WDR90: variants seen among roughly 807,000 people sequenced by gnomAD.
WDR90 encodes WD repeat-containing protein 90.
WDR90 carries 238 observed loss-of-function variants against 195.2 expected under a neutral mutation model. That is an observed-to-expected ratio of 1.22 (90% CI 1.10 to 1.36). The LOEUF (loss-of-function observed/expected upper bound fraction) is 1.36. WDR90 is among the 40% of genes most tolerant of loss of function. The pLI is 0.00. For synonymous variants in WDR90, 1,265 were observed against 1,052.4 expected (o/e 1.20, Z -3.91); for missense variants, 2,734 against 2,439.5 (o/e 1.12, Z -2.54).
intron 13 of WDR90, 153 bp from the exon 14 acceptor site, chr16:654,876 G>C (rs1466018145): frequency 1.5e-6 from 1 of 650,830 alleles, no homozygotes; most frequent in Non-Finnish European, 2.7e-6. Flanking sequence ...AGATGGAGGG[G>C]CTGGTTTCCT....
chr16:651,318 G>A (rs2037643178), intron 7 of WDR90, 52 bp downstream of exon 7: 12 of 1,591,036 alleles, frequency 7.5e-6, no homozygotes, highest in Non-Finnish European at 1.0e-5. Flanking sequence ...AGGGTGCGTG[G>A]GGCTCGGTAG....
At chr16:658,060 G>T in intron 21 of WDR90, 123 bp from the exon 22 acceptor site, 1 of 1,468,346 alleles carries the variant, frequency 6.8e-7, no homozygotes, top group East Asian at 2.5e-5. Context: ...AGGTTCCTGT[G>T]CAGGGCAGGT....
chr16:660,034 C>G (rs1474411296), intron 26 of WDR90, 24 bp from the exon 27 acceptor site: 2 of 1,519,184 alleles, frequency 1.3e-6, no homozygotes, highest in Non-Finnish European at 1.8e-6. Context: ...TGTAATGCCA[C>G]AAGCTCTGCC....
chr16:662,811 C>G lies in WDR90; in HGVS notation c.4278C>G (p.Thr1426=), dbSNP rs540807140. The change falls in exon 34 of 41, where the codon ACC becomes ACG. Residue 1426 remains threonine (T), a synonymous_variant. Transcript: ENST00000293879. Reference sequence around the variant, plus strand: ...GGTTTGTCAGCTGGGCCGAGGGCACCAGCACACGTCTCATCAGTGGCCACA... The same window carrying G: ...GGTTTGTCAGCTGGGCCGAGGGCACGAGCACACGTCTCATCAGTGGCCACA... ...TLWFVSWAEG[T]STRLISGHRS... is the part of the protein sequence containing the mutation. 1 of 1,589,918 alleles carries G rather than the reference C, an allele frequency of 6.3e-7. No individual in the cohort carries two copies. Among genetic ancestry groups the G allele is most frequent in the South Asian group, 1.1e-5 (1 of 89,184 alleles).
At position 666,782 on chromosome 16, in the gene WDR90, GC is replaced by G. The variant is rs777089594; in HGVS notation, c.4996del (p.Gln1666ArgfsTer17). On this transcript the variant is annotated frameshift_variant, in exon 39 of 41. Coordinates refer to ENST00000293879, the MANE Select transcript of WDR90 (RefSeq NM_145294.5). LOFTEE classifies it high-confidence loss of function. ...VYKEVIIYNL[C>X]QKQVVEKIPL... ...AAGGAGGTGATCATCTACAACCTCT[GC>G]CAGAAGCAGGTACACGCAGCTGCCC... The G allele has an allele frequency of 1.2e-6, 2 of 1,612,854 alleles. No individual in the cohort carries two copies. Among genetic ancestry groups the G allele is most frequent in the Non-Finnish European group, 1.7e-6 (2 of 1,179,948 alleles).
At chr16:654,712 A>C in intron 13 of WDR90, 1 of 367,520 alleles carries the variant, frequency 2.7e-6, no homozygotes, top group Non-Finnish European at 5.0e-6. Context: ...AGCCTCCCAA[A>C]GTGCTGGGAT....
chr16:650,752 G>A (rs753255161), intron 5 of WDR90, 43 bp downstream of exon 5: 11 of 1,590,666 alleles, frequency 6.9e-6, no homozygotes, highest in Non-Finnish European at 9.5e-6. Flanking sequence ...TCTCACCCAT[G>A]CTCTCAGCCC....
rs774234201 is a variant in WDR90 at position 655,661 on chromosome 16, A to G, written c.1807A>G (p.Thr603Ala). ...TGCCCGCCGCCTGCTCCCCACACGG[A>G]CTCCAGGCGGTCCCCACCCACAGAA... Reference protein sequence around the residue: ...RHARRLLPTRTPGGPHPQKQT... With the variant: ...RHARRLLPTRAPGGPHPQKQT... Residue 603 changes from threonine to alanine, a missense_variant, in exon 16 of 41, where the codon ACT becomes GCT. Physicochemically the swap from Thr to Ala is moderately conservative, Grantham distance 58 (BLOSUM62 0). Transcript: ENST00000293879. 6.2e-7 allele frequency: 1 copy of G among 1,603,396 alleles called. No homozygotes were observed. Among genetic ancestry groups the G allele is most frequent in the Non-Finnish European group, 8.5e-7 (1 of 1,175,120 alleles).
chr16:649,807 G>A lies in WDR90; in HGVS notation c.55G>A (p.Asp19Asn), dbSNP rs1485753858. ...FLNVFRHFRV[D>N]EWKRSAKQGD... is the part of the protein sequence containing the mutation. ...CAACGTCTTCAGACACTTCCGGGTGGACGAGTGGAAGCGCTCCGCCAAGCA... is the reference window on the plus strand; with the variant it reads ...CAACGTCTTCAGACACTTCCGGGTGAACGAGTGGAAGCGCTCCGCCAAGCA... Residue 19 changes from aspartate to asparagine, a missense_variant, in exon 2 of 41, where the codon GAC becomes AAC. Asp to Asn is a conservative substitution (Grantham distance 23). Coordinates refer to ENST00000293879, the MANE Select transcript of WDR90 (RefSeq NM_145294.5). 3.2e-6 allele frequency: 5 copies of A among 1,580,724 alleles called. No homozygotes were observed. The highest frequency in any genetic ancestry group is 3.6e-5 in the Admixed American group (2 of 55,090).
rs141591899 is a variant in WDR90, at chr16:658,912, C to T, written c.2912C>T (p.Ser971Leu). 1.5e-4 allele frequency: 244 copies of T among 1,612,248 alleles called. No homozygotes were observed. Among genetic ancestry groups the T allele is most frequent in the Non-Finnish European group, 1.9e-4 (227 of 1,179,970 alleles). ...TACCCCTAGGTGTACATCGGCCACT[C>T]GGAACCCGTGCAGGCTGTGGCCTTC... ...SPGPQVYIGH[S>L]EPVQAVAFSP... The change falls in exon 24 of 41, where the codon TCG (serine) becomes TTG (leucine). Residue 971 changes from serine to leucine, a missense_variant. Transcript: ENST00000293879.
At chr16:650,420 A>T in intron 4 of WDR90, 58 bp downstream of exon 4, 1 of 1,592,788 alleles carries the variant, frequency 6.3e-7, no homozygotes, top group Non-Finnish European at 8.6e-7. Context: ...GAGTTGGTGC[A>T]GGCCCAGTGA....
At chr16:659,156 G>GC in intron 25 of WDR90, 30 bp downstream of exon 25, 1 of 1,610,572 alleles carries the variant, frequency 6.2e-7, no homozygotes, top group African/African-American at 1.3e-5. Context: ...TGGGGTGCAG[G>GC]TGCTGCGCTG....
Position 666,230 on chromosome 16 carries a change from C to A in WDR90, c.4620C>A (p.Val1540=), listed in dbSNP as rs755483269. 6.2e-7 allele frequency: 1 copy of A among 1,612,398 alleles called. No individual in the cohort carries two copies. Among genetic ancestry groups the A allele is most frequent in the African/African-American group, 1.3e-5 (1 of 74,924 alleles). The change falls in exon 37 of 41, where the codon GTC becomes GTA. Residue 1540 remains valine (V), a synonymous_variant. Transcript: ENST00000293879. ...TVAFSTDGQT[V]LSGDKDGLVA... is the part of the protein sequence containing the mutation. ...ACGGCATGGTCCCAGGTCAGACTGT[C>A]CTCTCTGGAGACAAGGATGGGCTCG... is the stretch of plus-strand genomic sequence containing the variant.
chr16:650,980 C>A lies in WDR90; in HGVS notation c.560-15C>A. 6.2e-7 allele frequency: 1 copy of A among 1,612,604 alleles called. No individual in the cohort carries two copies. The highest frequency in any genetic ancestry group is 1.1e-5 in the South Asian group (1 of 91,080). On this transcript the variant is annotated splice_polypyrimidine_tract_variant and intron_variant, in intron 5 of 40. Coordinates refer to ENST00000293879, the MANE Select transcript of WDR90 (RefSeq NM_145294.5). ...AACAGCCTCCCTTGACCTGGAACAA[C>A]CCTGCTCCTTGTAGCCATCTCTGGG...
chr16:651,542 G>A (rs1032897464), intron 7 of WDR90, 102 bp from the exon 8 acceptor site: 15 of 1,176,982 alleles, frequency 1.3e-5, no homozygotes, highest in African/African-American at 4.6e-5. Context: ...CTGCAGAGCC[G>A]GTGAGGCTGG....
rs779496884 is a variant in WDR90 at position 660,620 on chromosome 16, C to T, written c.3297C>T (p.Cys1099=). 3.8e-6 allele frequency: 6 copies of T among 1,566,410 alleles called. No individual in the cohort carries two copies. The South Asian group carries it at 4.7e-5, about 12-fold the overall frequency. The change falls in exon 28 of 41, where the codon TGC becomes TGT. Residue 1099 remains cysteine (C), a synonymous_variant. Transcript: ENST00000293879. ...GGTCTCCTTCCTCGCAGGGCACTTG[C>T]CCGCCTCCCGCCAGCGGTGGGTGGC... ...SCSPHSAKGT[C]PPPASGGWLR...
chr16:661,729 G>A lies in WDR90; in HGVS notation c.3806G>A (p.Gly1269Asp), dbSNP rs200235342. 6.5e-5 allele frequency: 104 copies of A among 1,612,074 alleles called. No individual in the cohort carries two copies. In the African/African-American group the frequency reaches 1.2e-3, roughly 19 times the overall value. The stretch of plus-strand genomic sequence containing the variant: ...GACGCCGGCGAGCTCACCTGTGTGG[G>A]CCAGGGCACTGTCACCTTCTGGCTC... ...PWDAGELTCV[G>D]QGTVTFWLLQ... The change falls in exon 31 of 41, where the codon GGC (glycine) becomes GAC (aspartate). Residue 1269 changes from glycine (G) to aspartate (D), a missense_variant. Physicochemically the swap from Gly to Asp is moderately conservative, Grantham distance 94. Transcript: ENST00000293879.
rs2037874650 is a variant in WDR90 at position 660,594 on chromosome 16, G to A, written c.3289-18G>A. The A allele has an allele frequency of 8.4e-6, 13 of 1,554,976 alleles. No homozygotes were observed. Among genetic ancestry groups the A allele is most frequent in the African/African-American group, 1.4e-5 (1 of 73,210 alleles). The stretch of plus-strand genomic sequence containing the variant: ...GCCATGCTGGGCCCCAGCAGCATCC[G>A]GGTCTCCTTCCTCGCAGGGCACTTG... On this transcript the variant is annotated intron_variant, in intron 27 of 40. Transcript: ENST00000293879.
chr16:664,262 G>A (rs965003673), intron 34 of WDR90, among the ~76,000 whole-genome samples: 4 of 152,150 alleles, frequency 2.6e-5, no homozygotes, highest in Non-Finnish European at 4.4e-5. Flanking sequence ...CCTGGCGACC[G>A]TTGAGTGGCT....
Sources: gnomAD v4.1 joint callset for allele counts (sites outside exome capture counted in the v4.1 genomes callset) on GRCh38, gnomAD v4.1.1 for gene constraint, MANE v1.5 for transcripts, NCBI Gene and HGNC (gene_info 2026-07-23, HGNC 2026-07-21) for gene names.